TAF12: variants seen among roughly 807,000 people sequenced by gnomAD.
TAF12 encodes transcription initiation factor TFIID subunit 12.
TAF12 carries 3 observed loss-of-function variants against 20.8 expected under a neutral mutation model. That is an observed-to-expected ratio of 0.14 (90% CI 0.07 to 0.37). The LOEUF (loss-of-function observed/expected upper bound fraction) is 0.37, where lower values mean the gene tolerates loss of function less well. Among genes scored for constraint, TAF12 ranks in the 10% least tolerant of loss-of-function variants. The probability of loss-of-function intolerance (pLI) is 1.00; values close to 1 mark genes in which losing one functional copy is unlikely to be tolerated. For missense variants in TAF12, 131 were observed against 197.9 expected (o/e 0.66, Z 2.03); for synonymous variants, 69 against 70.2 (o/e 0.98, Z 0.09).
chr1:28,644,021 A>G (rs892459736), upstream of TAF12, among the ~76,000 whole-genome samples: 3 of 151,710 alleles, frequency 2.0e-5, no homozygotes, highest in Non-Finnish European at 4.4e-5. Flanking sequence ...ACTGCACTCC[A>G]GCCTGGGCGA....
Position 28,603,441 on chromosome 1 carries a change from T to TA in TAF12, c.*97dup. 3 of 1,262,262 alleles carry TA rather than the reference T, an allele frequency of 2.4e-6. No homozygotes were observed. Among genetic ancestry groups the TA allele is most frequent in the Non-Finnish European group, 3.5e-6 (3 of 868,444 alleles). The allele number at this position is 1,262,262 out of a possible 1,614,324, so 78.2% of individuals were successfully genotyped here. On this transcript the variant is annotated 3_prime_UTR_variant, in exon 6 of 6. Coordinates refer to ENST00000373824, the MANE Select transcript of TAF12 (RefSeq NM_005644.4). Reference sequence around the variant, plus strand: ...TTAATAAAAAATATATGCTTCTCTGTAAAGCATTAAAAAAAAAAATCCAAG... The same window carrying TA: ...TTAATAAAAAATATATGCTTCTCTGTAAAAGCATTAAAAAAAAAAATCCAAG...
rs1466092112 is a variant in TAF12 at position 28,616,038 on chromosome 1, A to G, written c.246+1915T>C. Among the ~76,000 whole-genome samples, 3 of 152,196 alleles carry G rather than the reference A, an allele frequency of 2.0e-5. No homozygotes were observed. In the East Asian group the frequency reaches 5.8e-4, roughly 29 times the overall value. On this transcript the variant is annotated intron_variant, in intron 3 of 5. Transcript: ENST00000373824. ...AGCTAGTTGTTAAACATTTACCCAT[A>G]TATTACTGGGCCAAATCCATCAATT...
intron 1 of TAF12, among the ~76,000 whole-genome samples, chr1:28,640,590 T>C (rs1313902959): frequency 6.6e-6 from 1 of 152,198 alleles, no homozygotes; most frequent in African/African-American, 2.4e-5. Flanking sequence ...CGATAGTGCA[T>C]AAGCTGTGCC....
intron 1 of TAF12, 108 bp downstream of exon 1, chr1:28,642,884 C>A: frequency 8.1e-6 from 8 of 986,122 alleles, no homozygotes; most frequent in Non-Finnish European, 9.6e-6. Context: ...ATCCTCACAG[C>A]CCCGTCTCGT....
At chr1:28,616,131 T>C (rs979590202) in intron 3 of TAF12, among the ~76,000 whole-genome samples, 13 of 152,170 alleles carry the variant, frequency 8.5e-5, no homozygotes, top group African/African-American at 3.1e-4. Flanking sequence ...GCATAGTGGC[T>C]CAGACCTATA....
intron 3 of TAF12, among the ~76,000 whole-genome samples, chr1:28,614,845 C>CTA (rs1666978295): frequency 6.6e-6 from 1 of 152,158 alleles, no homozygotes; most frequent in African/African-American, 2.4e-5. Context: ...TGGCTCACTC[C>CTA]TATAATCCCA....
At chr1:28,645,601 T>C (rs1192115562), upstream of TAF12, among the ~76,000 whole-genome samples, 2 of 151,048 alleles carry the variant, frequency 1.3e-5, no homozygotes, top group East Asian at 4.0e-4. Context: ...TGAGCGGAGA[T>C]TGAGCCAGTG....
chr1:28,621,600 T>C (rs1182049426), intron 2 of TAF12, among the ~76,000 whole-genome samples: 10 of 152,188 alleles, frequency 6.6e-5, no homozygotes. Flanking sequence ...TATATATGCA[T>C]ACACACAACC....
At chr1:28,629,257 T>C (rs545224403) in intron 1 of TAF12, among the ~76,000 whole-genome samples, 22 of 152,206 alleles carry the variant, frequency 1.4e-4, no homozygotes, top group Non-Finnish European at 2.8e-4. Flanking sequence ...TATGTGCATA[T>C]GTTACCTATG....
At chr1:28,613,914 C>T (rs1161372748) in intron 3 of TAF12, among the ~76,000 whole-genome samples, 1 of 152,144 alleles carries the variant, frequency 6.6e-6, no homozygotes, top group Non-Finnish European at 1.5e-5. Context: ...TCGAGACCAG[C>T]CCAACAATAT....
At chr1:28,640,752 G>C (rs1668002552) in intron 1 of TAF12, among the ~76,000 whole-genome samples, 1 of 152,090 alleles carries the variant, frequency 6.6e-6, no homozygotes, top group South Asian at 2.1e-4. Context: ...TTTCCAAACA[G>C]CTTATTAAAT....
At chr1:28,641,326 T>C (rs760165604) in intron 1 of TAF12, among the ~76,000 whole-genome samples, 30 of 151,300 alleles carry the variant, frequency 2.0e-4, no homozygotes, top group Admixed American at 8.6e-4. Flanking sequence ...CTACTAAAAA[T>C]ACAAAAAGTA....
chr1:28,611,526 A>C (rs756338020), intron 4 of TAF12, among the ~76,000 whole-genome samples: 1 of 150,378 alleles, frequency 6.6e-6, no homozygotes, highest in African/African-American at 2.5e-5. Context: ...CTGGTGTCCT[A>C]TGAGAAGAAA....
intron 3 of TAF12, among the ~76,000 whole-genome samples, chr1:28,613,814 T>G (rs1301286294): frequency 2.0e-5 from 3 of 152,176 alleles, no homozygotes; most frequent in Non-Finnish European, 2.9e-5. Flanking sequence ...GCCATGTAAG[T>G]AGAAAGCAGA....
At chr1:28,635,864 GAAGAA>G (rs1298883402) in intron 1 of TAF12, among the ~76,000 whole-genome samples, 2 of 151,718 alleles carry the variant, frequency 1.3e-5, no homozygotes, top group East Asian at 3.9e-4. Flanking sequence ...AAGGGGAACA[GAAGAA>G]AAGGTAGCCT....
At chr1:28,615,679 A>G (rs1402582366) in intron 3 of TAF12, among the ~76,000 whole-genome samples, 9 of 16,446 alleles carry the variant, frequency 5.5e-4, no homozygotes, top group African/African-American at 2.0e-3. Flanking sequence ...ACTCCGTCTC[A>G]AAAAAAAAAA....
intron 1 of TAF12, among the ~76,000 whole-genome samples, chr1:28,627,221 C>G (rs949207200): frequency 1.8e-4 from 27 of 151,602 alleles, no homozygotes; most frequent in Admixed American, 1.7e-3. Flanking sequence ...ACCCCCATCT[C>G]TACTAAAAAT....
At chr1:28,643,205 G>T (rs1052803025), upstream of TAF12, 1 of 723,486 alleles carries the variant, frequency 1.4e-6, no homozygotes, top group Non-Finnish European at 1.7e-6. Flanking sequence ...ATATTGAGCT[G>T]TGTGTAGGTA....
intron 1 of TAF12, among the ~76,000 whole-genome samples, chr1:28,627,644 G>T (rs888653558): frequency 1.7e-5 from 2 of 118,544 alleles, no homozygotes; most frequent in South Asian, 5.6e-4. Context: ...AGTGAGCCGA[G>T]ATCGCGCCAC....
Sources: allele counts gnomAD v4.1 joint callset (sites outside exome capture counted in the v4.1 genomes callset), GRCh38; gene constraint gnomAD v4.1.1; transcripts MANE v1.5; gene names NCBI Gene and HGNC (gene_info 2026-07-23, HGNC 2026-07-21).